The following GPC5 variants were observed in gnomAD, a reference collection of about 807,000 sequenced individuals.
The protein encoded by GPC5 is glypican-5.
GPC5 carries 47 observed loss-of-function variants against 53.9 expected under a neutral mutation model. That is an observed-to-expected ratio of 0.87 (90% CI 0.69 to 1.11). The LOEUF (loss-of-function observed/expected upper bound fraction) is 1.11, where lower values mean the gene tolerates loss of function less well. Ranked by LOEUF, GPC5 falls within the 50% of genes most tolerant of loss-of-function variation. The probability of loss-of-function intolerance (pLI) is 0.00; values close to 1 mark genes in which losing one functional copy is unlikely to be tolerated. For synonymous variants in GPC5, 286 were observed against 263.3 expected, an observed-to-expected ratio of 1.09 and a Z score of -0.84; for missense variants, 748 against 713.1, an observed-to-expected ratio of 1.05 and a Z score of -0.56.
intron 7 of GPC5, among the ~76,000 whole-genome samples, chr13:92,513,365 A>G (rs1317131775): frequency 6.6e-6 from 1 of 152,150 alleles, no homozygotes; most frequent in Non-Finnish European, 1.5e-5. Flanking sequence ...CATTGAAAGT[A>G]TTATGAATTA....
chr13:92,392,262 A>T (rs1875040000), intron 7 of GPC5, among the ~76,000 whole-genome samples: 1 of 152,098 alleles, frequency 6.6e-6, no homozygotes, highest in Non-Finnish European at 1.5e-5. Context: ...ACAGATGTCT[A>T]TAGTTTGATG....
At chr13:92,609,066 G>A (rs1378454560) in intron 7 of GPC5, among the ~76,000 whole-genome samples, 1 of 152,078 alleles carries the variant, frequency 6.6e-6, no homozygotes, top group Non-Finnish European at 1.5e-5. Flanking sequence ...CCCTCAAAAT[G>A]TTAGCTATTT....
chr13:91,441,360 T>C (rs1413784379), intron 1 of GPC5, among the ~76,000 whole-genome samples: 1 of 152,222 alleles, frequency 6.6e-6, no homozygotes, highest in Non-Finnish European at 1.5e-5. Context: ...AATTGTGGAA[T>C]AAATCATAGA....
intron 7 of GPC5, among the ~76,000 whole-genome samples, chr13:92,653,085 A>G (rs1283135649): frequency 6.6e-6 from 1 of 152,184 alleles, no homozygotes; most frequent in Non-Finnish European, 1.5e-5. Flanking sequence ...GAGTGGAAAA[A>G]TATGGGAGGG....
chr13:92,321,612 CATACATACA>C lies in GPC5; in HGVS notation c.1561+176624_1561+176632del, dbSNP rs1594098980. ...CGAGACTCCATCTCAAACATACATA[CATACATACA>C]TACATACATACATACATACATACAT... On this transcript the variant is annotated intron_variant, in intron 7 of 7. Coordinates refer to ENST00000377067, the MANE Select transcript of GPC5 (RefSeq NM_004466.6). 6.6e-5 allele frequency among the ~76,000 whole-genome samples: 5 copies of C among 75,392 alleles called. No individual in the cohort carries two copies. The East Asian group carries it at 2.4e-3, about 35-fold the overall frequency. 49.5% of individuals were successfully genotyped at this position (75,392 alleles called of 152,430 possible).
At chr13:91,940,125 C>A (rs970406139) in intron 6 of GPC5, among the ~76,000 whole-genome samples, 1 of 152,094 alleles carries the variant, frequency 6.6e-6, no homozygotes, top group African/African-American at 2.4e-5. Flanking sequence ...TCTTTCTTAA[C>A]CCTGTGCTGC....
At chr13:92,034,541 C>T (rs569616868) in intron 6 of GPC5, among the ~76,000 whole-genome samples, 11 of 151,834 alleles carry the variant, frequency 7.2e-5, no homozygotes, top group South Asian at 2.1e-4. Context: ...ATAAAAAATA[C>T]GGTAAAGTTA....
chr13:91,821,587 T>C (rs1190350540), intron 5 of GPC5, among the ~76,000 whole-genome samples: 4 of 152,214 alleles, frequency 2.6e-5, no homozygotes, highest in African/African-American at 9.6e-5. Flanking sequence ...TGATATATGT[T>C]ATGTCAGATA....
intron 7 of GPC5, among the ~76,000 whole-genome samples, chr13:92,375,469 C>T (rs539746438): frequency 6.6e-6 from 1 of 152,222 alleles, no homozygotes; most frequent in Admixed American, 6.5e-5. Flanking sequence ...AATAGACATA[C>T]AATAAGTAAA....
intron 6 of GPC5, among the ~76,000 whole-genome samples, chr13:92,098,136 A>AT (rs1482757010): frequency 3.9e-5 from 6 of 151,912 alleles, no homozygotes; most frequent in Non-Finnish European, 8.8e-5. Context: ...TGCAATAGTT[A>AT]TTTTTTCTGA....
intron 6 of GPC5, among the ~76,000 whole-genome samples, chr13:92,135,761 C>T (rs1329163164): frequency 1.3e-5 from 2 of 152,086 alleles, no homozygotes; most frequent in Non-Finnish European, 2.9e-5. Flanking sequence ...CAACAGGAGC[C>T]GAGATCAGAA....
At chr13:91,961,622 C>T (rs1487156678) in intron 6 of GPC5, among the ~76,000 whole-genome samples, 1 of 151,962 alleles carries the variant, frequency 6.6e-6, no homozygotes, top group East Asian at 1.9e-4. Context: ...AATAACACAG[C>T]AGAAAACAAA....
intron 7 of GPC5, among the ~76,000 whole-genome samples, chr13:92,265,418 G>A (rs2042796270): frequency 6.6e-6 from 1 of 151,998 alleles, no homozygotes; most frequent in Non-Finnish European, 1.5e-5. Context: ...ATACAATTTA[G>A]CCAAATTATT....
intron 7 of GPC5, among the ~76,000 whole-genome samples, chr13:92,684,491 G>A (rs1300978456): frequency 5.9e-5 from 9 of 152,020 alleles, no homozygotes; most frequent in East Asian, 1.9e-4. Context: ...GGCAGGTCTC[G>A]AACTCCTGAC....
At position 91,711,080 on chromosome 13, in the gene GPC5, T is replaced by A. The variant is rs140654704; in HGVS notation, c.1020+17199T>A. ...AGGATCTAGAACTAGAAATACCATT[T>A]GACCCAGCATTCCCATTGCTGGATA... On this transcript the variant is annotated intron_variant, in intron 3 of 7. Transcript: ENST00000377067. 4.8e-4 allele frequency among the ~76,000 whole-genome samples: 73 copies of A among 152,316 alleles called. No individual in the cohort carries two copies. In the East Asian group the frequency reaches 0.014, roughly 29 times the overall value.
chr13:92,347,025 C>G (rs34289593), intron 7 of GPC5, among the ~76,000 whole-genome samples: 1 of 151,986 alleles, frequency 6.6e-6, no homozygotes, highest in African/African-American at 2.4e-5. Flanking sequence ...AAAAATGTAA[C>G]GAAATCCTAC....
intron 2 of GPC5, among the ~76,000 whole-genome samples, chr13:91,526,085 T>A (rs1262305993): frequency 1.3e-5 from 2 of 152,088 alleles, no homozygotes; most frequent in Non-Finnish European, 2.9e-5. Flanking sequence ...CCAGGTAACA[T>A]CAAAAGGTAT....
At chr13:92,239,379 A>G (rs1045476593) in intron 7 of GPC5, among the ~76,000 whole-genome samples, 1 of 151,968 alleles carries the variant, frequency 6.6e-6, no homozygotes, top group Non-Finnish European at 1.5e-5. Flanking sequence ...TTCTAATAAA[A>G]CAACATTACT....
chr13:91,867,581 AGT>A (rs1232885184), intron 5 of GPC5, among the ~76,000 whole-genome samples: 1 of 152,202 alleles, frequency 6.6e-6, no homozygotes, highest in Non-Finnish European at 1.5e-5. Context: ...TGTGGTTTTC[AGT>A]GTGTTTGTCC....
Sources: allele counts gnomAD v4.1 joint callset (sites outside exome capture counted in the v4.1 genomes callset), GRCh38; gene constraint gnomAD v4.1.1; transcripts MANE v1.5; gene names NCBI Gene and HGNC (gene_info 2026-07-23, HGNC 2026-07-21).